The following CACNB2 variants were observed in gnomAD, a reference collection of about 807,000 sequenced individuals.
The protein encoded by CACNB2 is voltage-dependent L-type calcium channel subunit beta-2.
Under a neutral mutation model 73.3 loss-of-function variants are expected in CACNB2, and 42 were observed. The ratio of observed to expected loss-of-function variants is 0.57; its 90% CI spans 0.45 to 0.74. CACNB2 has a LOEUF of 0.74. Ranked by LOEUF, CACNB2 falls within the 30% of genes least tolerant of loss-of-function variation. The probability of loss-of-function intolerance (pLI) is 0.00; values close to 1 mark genes in which losing one functional copy is unlikely to be tolerated. For missense variants in CACNB2, 940 were observed against 853.0 expected, an observed-to-expected ratio of 1.10 and a Z score of -1.27; for synonymous variants, 348 against 310.3, an observed-to-expected ratio of 1.12 and a Z score of -1.28.
At chr10:18,523,025 T>C (rs1245483480) in intron 9 of CACNB2, among the ~76,000 whole-genome samples, 4 of 152,088 alleles carry the variant, frequency 2.6e-5, no homozygotes, top group Non-Finnish European at 5.9e-5. Flanking sequence ...ATATTCCTAA[T>C]TAGATTTTTT....
intron 2 of CACNB2, among the ~76,000 whole-genome samples, chr10:18,296,060 T>C (rs2039271786): frequency 6.6e-6 from 1 of 151,482 alleles, no homozygotes; most frequent in Non-Finnish European, 1.5e-5. Context: ...TTGATGAATT[T>C]TTTTCAAACT....
chr10:18,414,766 T>C (rs1786863544), intron 3 of CACNB2, among the ~76,000 whole-genome samples: 1 of 139,586 alleles, frequency 7.2e-6, no homozygotes, highest in South Asian at 2.3e-4. Context: ...TAAATTGCAG[T>C]TCAAGCTTTT....
intron 3 of CACNB2, among the ~76,000 whole-genome samples, chr10:18,432,733 G>A (rs1381227026): frequency 1.3e-5 from 2 of 152,092 alleles, no homozygotes; most frequent in African/African-American, 4.8e-5. Context: ...CTACTTGGGA[G>A]GCTAAGGCGG....
At chr10:18,456,445 C>G (rs1326019787) in intron 3 of CACNB2, among the ~76,000 whole-genome samples, 1 of 152,142 alleles carries the variant, frequency 6.6e-6, no homozygotes, top group African/African-American at 2.4e-5. Context: ...GCCTGGATGA[C>G]AGAGCAAGAC....
chr10:18,410,391 A>G (rs2044551584), intron 3 of CACNB2, among the ~76,000 whole-genome samples: 1 of 152,196 alleles, frequency 6.6e-6, no homozygotes, highest in Non-Finnish European at 1.5e-5. Flanking sequence ...AATATTTCTC[A>G]TCTTGCCTTA....
intron 2 of CACNB2, among the ~76,000 whole-genome samples, chr10:18,189,923 C>G (rs564973545): frequency 1.3e-5 from 2 of 152,108 alleles, no homozygotes; most frequent in Admixed American, 1.3e-4. Flanking sequence ...TTCCCGACAC[C>G]CTGGGCACCT....
chr10:18,248,826 T>C (rs952464561), intron 2 of CACNB2, among the ~76,000 whole-genome samples: 1 of 152,158 alleles, frequency 6.6e-6, no homozygotes, highest in African/African-American at 2.4e-5. Flanking sequence ...TCTCTGTTCC[T>C]CTCTCCCTCT....
intron 2 of CACNB2, among the ~76,000 whole-genome samples, chr10:18,159,208 T>C (rs2032276133): frequency 6.6e-6 from 1 of 152,030 alleles, no homozygotes; most frequent in Non-Finnish European, 1.5e-5. Context: ...AGCATGGCCA[T>C]TTTCATTGAA....
At chr10:18,531,227 C>A (rs1216737368) in intron 10 of CACNB2, among the ~76,000 whole-genome samples, 2 of 152,024 alleles carry the variant, frequency 1.3e-5, no homozygotes, top group African/African-American at 4.8e-5. Context: ...ATTACAGAAA[C>A]CTCCTTCTAA....
chr10:18,183,744 G>A (rs540740672), intron 2 of CACNB2, among the ~76,000 whole-genome samples: 10 of 152,270 alleles, frequency 6.6e-5, no homozygotes, highest in African/African-American at 2.2e-4. Flanking sequence ...AAGCCAAACC[G>A]TATCAGCCAC....
intron 9 of CACNB2, among the ~76,000 whole-genome samples, chr10:18,520,738 T>C (rs987555204): frequency 2.0e-5 from 3 of 152,210 alleles, no homozygotes; most frequent in African/African-American, 7.2e-5. Flanking sequence ...TGCTGTTCTT[T>C]GAGTGTTCCA....
chr10:18,245,682 C>A (rs1588831430), intron 2 of CACNB2, among the ~76,000 whole-genome samples: 1 of 152,030 alleles, frequency 6.6e-6, no homozygotes. Context: ...TGTGTTTGGC[C>A]TTTTGAGTTA....
At chr10:18,478,310 C>A (rs961784920) in intron 3 of CACNB2, among the ~76,000 whole-genome samples, 8 of 152,162 alleles carry the variant, frequency 5.3e-5, no homozygotes, top group Non-Finnish European at 1.0e-4. Flanking sequence ...AGGGTAGAAC[C>A]CTGACTTCTA....
At chr10:18,314,287 A>G (rs2040071568) in intron 2 of CACNB2, among the ~76,000 whole-genome samples, 1 of 152,210 alleles carries the variant, frequency 6.6e-6, no homozygotes, top group African/African-American at 2.4e-5. Flanking sequence ...CCTATCAAAA[A>G]ATAATCCTAA....
chr10:18,534,816 T>C (rs1198564940), intron 11 of CACNB2, among the ~76,000 whole-genome samples: 6 of 152,228 alleles, frequency 3.9e-5, no homozygotes, highest in Admixed American at 1.3e-4. Context: ...TGAACTAAAC[T>C]AGCCATGTTT....
At chr10:18,324,560 C>T (rs1239771224) in intron 2 of CACNB2, among the ~76,000 whole-genome samples, 2 of 152,242 alleles carry the variant, frequency 1.3e-5, no homozygotes, top group African/African-American at 2.4e-5. Context: ...TTATTCAAAA[C>T]TTACCTGTGG....
At chr10:18,156,307 A>G (rs1157205782) in intron 2 of CACNB2, among the ~76,000 whole-genome samples, 2 of 152,274 alleles carry the variant, frequency 1.3e-5, no homozygotes, top group East Asian at 3.8e-4. Flanking sequence ...GCAGTTATAT[A>G]TAGATGAAGG....
intron 2 of CACNB2, among the ~76,000 whole-genome samples, chr10:18,375,961 C>T (rs1167075799): frequency 4.6e-5 from 7 of 152,132 alleles, no homozygotes; most frequent in Non-Finnish European, 7.3e-5. Flanking sequence ...AAAAATAAAG[C>T]TACCATATGA....
At chr10:18,352,328 C>A (rs2041744342) in intron 2 of CACNB2, among the ~76,000 whole-genome samples, 1 of 152,190 alleles carries the variant, frequency 6.6e-6, no homozygotes, top group Admixed American at 6.5e-5. Flanking sequence ...ACAACACCAA[C>A]AGAACATAAT....
Sources: allele counts gnomAD v4.1 joint callset (sites outside exome capture counted in the v4.1 genomes callset), GRCh38; gene constraint gnomAD v4.1.1; transcripts MANE v1.5; gene names NCBI Gene and HGNC (gene_info 2026-07-23, HGNC 2026-07-21).